TFDP2: variants seen among roughly 807,000 people sequenced by gnomAD.
TFDP2 encodes the protein transcription factor Dp-2.
TFDP2 carries 17 observed loss-of-function variants against 59.3 expected under a neutral mutation model. The ratio of observed to expected loss-of-function variants is 0.29; its 90% CI spans 0.20 to 0.43. The LOEUF (loss-of-function observed/expected upper bound fraction) is 0.43. Ranked by LOEUF, TFDP2 falls within the 20% of genes least tolerant of loss-of-function variation. TFDP2 has a pLI of 1.00. For synonymous variants in TFDP2, 180 were observed against 194.7 expected, an observed-to-expected ratio of 0.92 and a Z score of 0.63; for missense variants, 391 against 528.8, an observed-to-expected ratio of 0.74 and a Z score of 2.56.
At position 142,017,877 on chromosome 3, in the gene TFDP2, G is replaced by A. The variant is rs72990258; in HGVS notation, c.83-12333C>T. Among the ~76,000 whole-genome samples, 1,316 of 152,066 alleles carry A rather than the reference G, an allele frequency of 8.7e-3. 21 individuals carry two copies. The highest frequency in any genetic ancestry group is 0.03 in the African/African-American group (1,224 of 41,474). ...AAGATATCCTTCTATCAGTCTGAGC[G>A]TTGCTTTTATATCCATCTCAGATGC... On this transcript the variant is annotated intron_variant, in intron 3 of 12. Coordinates refer to ENST00000489671, the MANE Select transcript of TFDP2 (RefSeq NM_001178139.2).
chr3:141,992,683 A>G (rs1179101589), intron 6 of TFDP2, among the ~76,000 whole-genome samples: 2 of 152,226 alleles, frequency 1.3e-5, no homozygotes, highest in South Asian at 4.1e-4. Context: ...AGAAGCAAAC[A>G]ACAAAAGCCA....
At chr3:142,127,976 G>A (rs929974022) in intron 1 of TFDP2, among the ~76,000 whole-genome samples, 1 of 151,918 alleles carries the variant, frequency 6.6e-6, no homozygotes. Context: ...CAAAGTGGAA[G>A]GAATACCCGA....
chr3:142,088,176 C>T (rs2060867651), intron 3 of TFDP2, among the ~76,000 whole-genome samples: 1 of 152,168 alleles, frequency 6.6e-6, no homozygotes, highest in African/African-American at 2.4e-5. Flanking sequence ...TAAATATTTG[C>T]TGAATCAATG....
At chr3:142,045,156 T>C (rs1576825043) in intron 3 of TFDP2, among the ~76,000 whole-genome samples, 1 of 147,350 alleles carries the variant, frequency 6.8e-6, no homozygotes, top group East Asian at 2.0e-4. Flanking sequence ...TCTCTTTCCT[T>C]TTTTTTTTTT....
chr3:142,110,513 A>C (rs1263031641), intron 1 of TFDP2, among the ~76,000 whole-genome samples: 1 of 151,966 alleles, frequency 6.6e-6, no homozygotes, highest in African/African-American at 2.4e-5. Context: ...CAAAAAAAAA[A>C]CAAAAAAAAG....
At chr3:142,074,559 T>C (rs566366966) in intron 3 of TFDP2, among the ~76,000 whole-genome samples, 2 of 146,730 alleles carry the variant, frequency 1.4e-5, no homozygotes, top group South Asian at 4.4e-4. Context: ...AATATATAAA[T>C]TAAAAAAACA....
intron 3 of TFDP2, among the ~76,000 whole-genome samples, chr3:142,065,423 T>C (rs1483290679): frequency 6.6e-6 from 1 of 152,098 alleles, no homozygotes; most frequent in Non-Finnish European, 1.5e-5. Flanking sequence ...CCCAAAGTGC[T>C]GGAATTACAG....
intron 4 of TFDP2, among the ~76,000 whole-genome samples, chr3:142,004,290 C>T (rs1055572292): frequency 2.0e-5 from 3 of 152,140 alleles, no homozygotes; most frequent in Admixed American, 6.5e-5. Flanking sequence ...TAGAATGTGT[C>T]CTGAAGTCTT....
At position 141,959,736 on chromosome 3, in the gene TFDP2, G is replaced by C; in HGVS notation, c.989C>G (p.Ser330Cys). 6.2e-7 allele frequency: 1 copy of C among 1,614,120 alleles called. No individual in the cohort carries two copies. Reference sequence around the variant, plus strand: ...TTTCGCAAGTTTCAGATCCTCCAGAGAGCATTTGCCTGACTCCAGGCCAAA... The same window carrying C: ...TTTCGCAAGTTTCAGATCCTCCAGACAGCATTTGCCTGACTCCAGGCCAAA... ...MSFGLESGKC[S>C]LEDLKLAKSL... Residue 330 changes from serine to cysteine, a missense_variant, in exon 11 of 13, where the codon TCT becomes TGT. Around this residue, in one of 3 missense-constraint regions of TFDP2, gnomAD observed 223 missense variants for 292.5 expected, o/e 0.76. Transcript: ENST00000489671.
chr3:142,140,117 G>C (rs1234916677), intron 1 of TFDP2, among the ~76,000 whole-genome samples: 2 of 151,920 alleles, frequency 1.3e-5, no homozygotes, highest in Non-Finnish European at 2.9e-5. Context: ...TCATTAATTT[G>C]ATCTTTAATC....
chr3:141,965,789 A>G (rs1180817074), intron 9 of TFDP2, among the ~76,000 whole-genome samples: 1 of 152,040 alleles, frequency 6.6e-6, no homozygotes, highest in Non-Finnish European at 1.5e-5. Context: ...CACTATCAAT[A>G]TCATTACCAA....
intron 1 of TFDP2, among the ~76,000 whole-genome samples, chr3:142,106,816 T>C (rs538631039): frequency 5.3e-5 from 8 of 152,298 alleles, no homozygotes; most frequent in African/African-American, 1.9e-4. Context: ...GGTCTCAAAA[T>C]GCAAGCCCTT....
chr3:142,149,132 G>T, intron 1 of TFDP2, 51 bp downstream of exon 1: 1 of 397,870 alleles, frequency 2.5e-6, no homozygotes, highest in Non-Finnish European at 4.4e-6. Flanking sequence ...GCGCCCGGCC[G>T]GGTCCAAAGG....
chr3:141,983,357 C>G lies in TFDP2; in HGVS notation c.357-4675G>C, dbSNP rs963039195. 2.6e-5 allele frequency among the ~76,000 whole-genome samples: 4 copies of G among 152,162 alleles called. No individual in the cohort carries two copies. The South Asian group carries it at 6.2e-4, about 24-fold the overall frequency. On this transcript the variant is annotated intron_variant, in intron 6 of 12. Transcript: ENST00000489671. ...ACTCAATTCAAAAATGGGCAAAGGGCCAGGTGCAGTGGCTCGTGCCTGTAA... is the reference window on the plus strand; with the variant it reads ...ACTCAATTCAAAAATGGGCAAAGGGGCAGGTGCAGTGGCTCGTGCCTGTAA...
intron 1 of TFDP2, among the ~76,000 whole-genome samples, chr3:142,138,210 T>C (rs187061989): frequency 0.056 from 8,599 of 152,232 alleles, 325 homozygotes; most frequent in Non-Finnish European, 0.078. Flanking sequence ...TCTGTGGGAT[T>C]GGTGGTGATA....
Position 141,952,421 on chromosome 3 carries a change from G to A in TFDP2, c.*92C>T. On this transcript the variant is annotated 3_prime_UTR_variant, in exon 13 of 13. Transcript: ENST00000489671. ...TCACTGAACACACAGTGCAAACAAAGGCAAAGACTGAAGCAATCATTTCAA... is the reference window on the plus strand; with the variant it reads ...TCACTGAACACACAGTGCAAACAAAAGCAAAGACTGAAGCAATCATTTCAA... 7.8e-7 allele frequency: 1 copy of A among 1,287,876 alleles called. No homozygotes were observed. Among genetic ancestry groups the A allele is most frequent in the Non-Finnish European group, 1.0e-6 (1 of 958,584 alleles). 79.8% of individuals were successfully genotyped at this position (1,287,876 alleles called of 1,614,324 possible). A position where few individuals can be genotyped will look rare whatever the true frequency, so the allele number is the denominator to read the frequency against.
At chr3:141,998,955 T>G (rs1283462711) in intron 4 of TFDP2, among the ~76,000 whole-genome samples, 1 of 152,194 alleles carries the variant, frequency 6.6e-6, no homozygotes, top group Non-Finnish European at 1.5e-5. Flanking sequence ...ATTAAGAGAT[T>G]TCACTATTTG....
At chr3:142,131,514 T>C (rs2062501189) in intron 1 of TFDP2, among the ~76,000 whole-genome samples, 1 of 150,022 alleles carries the variant, frequency 6.7e-6, no homozygotes, top group African/African-American at 2.5e-5. Flanking sequence ...TACCAAAGAA[T>C]TATCTCCCAA....
intron 3 of TFDP2, among the ~76,000 whole-genome samples, chr3:142,027,927 T>C (rs557044896): frequency 1.2e-4 from 19 of 152,232 alleles, no homozygotes; most frequent in Admixed American, 5.9e-4. Context: ...CTGTGCCTCA[T>C]AATAAACCAT....
Sources: allele counts gnomAD v4.1 joint callset (sites outside exome capture counted in the v4.1 genomes callset), GRCh38; gene constraint gnomAD v4.1.1; regional missense constraint gnomAD v4.1.1; transcripts MANE v1.5; gene names NCBI Gene and HGNC (gene_info 2026-07-23, HGNC 2026-07-21).